PCDH15: variants seen among roughly 807,000 people sequenced by gnomAD.
PCDH15 encodes the protein protocadherin-15.
In PCDH15, 129 loss-of-function variants were observed where a neutral mutation model predicts 178.5. The observed-to-expected ratio is 0.72, with a 90% CI of 0.63 to 0.84. The LOEUF (loss-of-function observed/expected upper bound fraction) is 0.84, where lower values mean the gene tolerates loss of function less well. Ranked by LOEUF, PCDH15 falls within the 40% of genes least tolerant of loss-of-function variation. PCDH15 has a pLI of 0.00. For missense variants in PCDH15, 2,230 were observed against 2,099.9 expected (o/e 1.06, Z -1.21); for synonymous variants, 800 against 732.0 (o/e 1.09, Z -1.50).
chr10:53,820,554 AAAATCTT>A (rs1480081753), intron 32 of PCDH15, among the ~76,000 whole-genome samples: 1 of 152,064 alleles, frequency 6.6e-6, no homozygotes, highest in African/African-American at 2.4e-5. Flanking sequence ...TATATCTTCT[AAAATCTT>A]AAAACTCCAG....
chr10:54,153,712 C>T (rs1590824361), intron 13 of PCDH15, among the ~76,000 whole-genome samples: 2 of 152,086 alleles, frequency 1.3e-5, no homozygotes, highest in South Asian at 2.1e-4. Context: ...TAGGCATAGT[C>T]GGCCTTTGTT....
chr10:55,184,377 T>C lies in PCDH15; in HGVS notation c.-155-17726A>G, dbSNP rs373448473. Reference sequence around the variant, plus strand: ...TCATTTATTGTTTGGTGAAAATCTATACTGTTCAATTATTTACTATTTTAG... The same window carrying C: ...TCATTTATTGTTTGGTGAAAATCTACACTGTTCAATTATTTACTATTTTAG... On this transcript the variant is annotated intron_variant, in intron 1 of 5. Coordinates refer to the PCDH15 transcript ENST00000458638. Among the ~76,000 whole-genome samples, 99 of 152,096 alleles carry C rather than the reference T, an allele frequency of 6.5e-4. 1 individual carries two copies. In the South Asian group the frequency reaches 0.02, roughly 31 times the overall value.
intron 5 of PCDH15, among the ~76,000 whole-genome samples, chr10:54,352,739 T>C (rs2795933): frequency 0.036 from 5,445 of 152,238 alleles, 318 homozygotes; most frequent in African/African-American, 0.12. Flanking sequence ...ATCTGATTTA[T>C]AGTATTAGGC....
intron 8 of PCDH15, among the ~76,000 whole-genome samples, chr10:54,253,418 C>T (rs994681327): frequency 1.3e-5 from 2 of 152,072 alleles, no homozygotes; most frequent in East Asian, 1.9e-4. Flanking sequence ...ACTGTAGACC[C>T]TACATGTACA....
chr10:54,117,273 AT>A (rs145650927), intron 15 of PCDH15, among the ~76,000 whole-genome samples: 44,900 of 151,890 alleles, frequency 0.3, 6,773 homozygotes, highest in Middle Eastern at 0.39. Context: ...AGGTGCCAGT[AT>A]AGGAGGAAGG....
At chr10:53,986,116 C>T (rs2091081160) in intron 21 of PCDH15, among the ~76,000 whole-genome samples, 1 of 151,566 alleles carries the variant, frequency 6.6e-6, no homozygotes, top group Non-Finnish European at 1.5e-5. Context: ...GAAAAACAAA[C>T]AACAAATAAC....
chr10:55,149,799 G>T lies in PCDH15; in HGVS notation c.-80+16777C>A, dbSNP rs141760305. 1.4e-3 allele frequency among the ~76,000 whole-genome samples: 206 copies of T among 152,110 alleles called. 1 individual carries two copies. The highest frequency in any genetic ancestry group is 4.8e-3 in the African/African-American group (201 of 41,518). On this transcript the variant is annotated intron_variant, in intron 2 of 5. Coordinates refer to the PCDH15 transcript ENST00000458638. Reference sequence around the variant, plus strand: ...TTCTATTCTAGTTTCAAAAGCCCCAGAAATTCTGACCAATTGACTGTGACC... The same window carrying T: ...TTCTATTCTAGTTTCAAAAGCCCCATAAATTCTGACCAATTGACTGTGACC...
chr10:54,124,667 T>G (rs1407595386), intron 15 of PCDH15, among the ~76,000 whole-genome samples: 1 of 152,216 alleles, frequency 6.6e-6, no homozygotes, highest in East Asian at 1.9e-4. Context: ...TTATAAATTT[T>G]ACGATGCAGT....
rs553400757 is a variant in PCDH15, at chr10:54,788,066, A to G, written c.-29+12859T>C. ...GGAGAAACAAAAAATAGGAAGGGTG[A>G]CCATCAGGTGAAAAATAATGAGAAC... is the stretch of plus-strand genomic sequence containing the variant. On this transcript the variant is annotated intron_variant, in intron 1 of 37. Coordinates refer to ENST00000644397, the MANE Select transcript of PCDH15 (RefSeq NM_001384140.1). Among the ~76,000 whole-genome samples the G allele has an allele frequency of 5.5e-4, 83 of 151,958 alleles. 1 individual carries two copies. Among genetic ancestry groups the G allele is most frequent in the South Asian group, 1.2e-3 (6 of 4,820 alleles).
At chr10:55,379,902 C>G (rs935240602) in intron 2 of PCDH15, among the ~76,000 whole-genome samples, 8 of 151,992 alleles carry the variant, frequency 5.3e-5, no homozygotes, top group Middle Eastern at 3.2e-3. Context: ...GGCAGTTATT[C>G]TAGAAGTGCT....
At chr10:54,063,291 ACT>A (rs1262105859) in intron 18 of PCDH15, among the ~76,000 whole-genome samples, 3 of 152,068 alleles carry the variant, frequency 2.0e-5, no homozygotes, top group East Asian at 1.9e-4. Flanking sequence ...GCTATGTCAC[ACT>A]CTGATTTCTC....
In PCDH15 at chr10:54,174,702, C is replaced by CTTTTTTTTTTT. The variant is rs1169302544; in HGVS notation, c.1590+8731_1590+8741dup. The stretch of plus-strand genomic sequence containing the variant: ...CTTCTTTCTTTTTTCTTTTTCTTTT[C>CTTTTTTTTTTT]TTTTTTTTTTTTTTTTTTTTTGAGA... On this transcript the variant is annotated intron_variant, in intron 13 of 37. Coordinates refer to ENST00000644397, the MANE Select transcript of PCDH15 (RefSeq NM_001384140.1). Among the ~76,000 whole-genome samples, 258 of 84,042 alleles carry CTTTTTTTTTTT rather than the reference C, an allele frequency of 3.1e-3. 1 individual carries two copies. The highest frequency in any genetic ancestry group is 0.011 in the East Asian group (37 of 3,364). The allele number at this position is 84,042 out of a possible 152,430, so 55.1% of individuals were successfully genotyped here. A position where few individuals can be genotyped will look rare whatever the true frequency, so the allele number is the denominator to read the frequency against.
chr10:54,528,053 TACC>T (rs2083530035), intron 2 of PCDH15, among the ~76,000 whole-genome samples, 176 bp from the exon 3 acceptor site: 1 of 152,050 alleles, frequency 6.6e-6, no homozygotes, highest in South Asian at 2.1e-4. Flanking sequence ...ATAGATTCCT[TACC>T]ACATCATAAT....
intron 1 of PCDH15, among the ~76,000 whole-genome samples, chr10:55,242,312 G>T (rs981057172): frequency 7.9e-5 from 12 of 151,990 alleles, no homozygotes; most frequent in South Asian, 4.1e-4. Context: ...TTTGAGAATG[G>T]ATCAATCCCA....
chr10:55,369,728 A>G (rs2131988065), intron 2 of PCDH15, among the ~76,000 whole-genome samples: 1 of 152,216 alleles, frequency 6.6e-6, no homozygotes, highest in Admixed American at 6.5e-5. Flanking sequence ...AGATCATATT[A>G]TCTAATGCCT....
chr10:54,880,534 G>T (rs1954243615), intron 3 of PCDH15, among the ~76,000 whole-genome samples: 1 of 151,524 alleles, frequency 6.6e-6, no homozygotes, highest in African/African-American at 2.4e-5. Flanking sequence ...CCCTAAAGTT[G>T]GTTCTAACCA....
intron 2 of PCDH15, among the ~76,000 whole-genome samples, chr10:55,032,319 T>C (rs1367242919): frequency 1.3e-5 from 2 of 152,182 alleles, no homozygotes; most frequent in East Asian, 3.9e-4. Flanking sequence ...GAATGACTAA[T>C]CAGGATATCT....
intron 2 of PCDH15, among the ~76,000 whole-genome samples, chr10:55,475,557 A>G (rs2132111863): frequency 6.6e-6 from 1 of 152,238 alleles, no homozygotes; most frequent in Admixed American, 6.5e-5. Context: ...GGAAAATCCT[A>G]CACCTGACCT....
intron 2 of PCDH15, among the ~76,000 whole-genome samples, chr10:55,498,313 A>G (rs1840581827): frequency 6.6e-6 from 1 of 151,934 alleles, no homozygotes; most frequent in Admixed American, 6.6e-5. Flanking sequence ...ATAAAGTGAA[A>G]AGACTTCTGC....
Sources: allele counts gnomAD v4.1 joint callset (sites outside exome capture counted in the v4.1 genomes callset), GRCh38; gene constraint gnomAD v4.1.1; transcripts MANE v1.5; gene names NCBI Gene and HGNC (gene_info 2026-07-23, HGNC 2026-07-21).